PXDN: variants seen among roughly 807,000 people sequenced by gnomAD.
PXDN encodes peroxidasin, also known as peroxidasin homolog.
PXDN carries 77 observed loss-of-function variants against 140.3 expected under a neutral mutation model. The ratio of observed to expected loss-of-function variants is 0.55; its 90% CI spans 0.46 to 0.66. The LOEUF (loss-of-function observed/expected upper bound fraction) is 0.66. PXDN is among the 30% of genes least tolerant of loss of function. PXDN has a pLI of 0.00. For missense variants in PXDN, 1,838 were observed against 2,039.5 expected, an observed-to-expected ratio of 0.90 and a Z score of 1.90; for synonymous variants, 911 against 857.4, an observed-to-expected ratio of 1.06 and a Z score of -1.09.
chr2:1,739,133 C>CTCA (rs76532664), intron 1 of PXDN, among the ~76,000 whole-genome samples: 6,246 of 152,256 alleles, frequency 0.041, 139 homozygotes, highest in Non-Finnish European at 0.052. Flanking sequence ...CTCCTGTCCA[C>CTCA]TCATGGACGT....
rs544934849 is a variant in PXDN at position 1,648,915 on chromosome 2, C to T, written c.2865G>A (p.Pro955=). 7.5e-6 allele frequency: 12 copies of T among 1,599,456 alleles called. No homozygotes were observed. The highest frequency in any genetic ancestry group is 1.3e-5 in the African/African-American group (1 of 74,312). The change falls in exon 17 of 23, where the codon CCG becomes CCA. Residue 955 remains proline (P), a synonymous_variant. Coordinates refer to ENST00000252804, the MANE Select transcript of PXDN (RefSeq NM_012293.3). This position sits in a 1 kb window ranked among gnomAD's most constrained non-coding sequence, Gnocchi z 8.9. ...TCTCGTCCCGCATGCACTCCGTGGG[C>T]GGCCCGGTGGCGAAGGGGAGCAGCG... ...GKPLLPFATG[P]PTECMRDENE...
intron 1 of PXDN, among the ~76,000 whole-genome samples, chr2:1,734,656 C>A (rs1685390382): frequency 6.6e-6 from 1 of 152,164 alleles, no homozygotes; most frequent in Non-Finnish European, 1.5e-5. Flanking sequence ...ATCACGAGGT[C>A]AAGAGACTGA....
intron 1 of PXDN, among the ~76,000 whole-genome samples, chr2:1,713,520 C>A (rs1684829859): frequency 6.6e-6 from 1 of 152,210 alleles, no homozygotes; most frequent in Non-Finnish European, 1.5e-5. Context: ...AGAAGGGGCA[C>A]CTGCCTCTGA....
At chr2:1,742,209 C>A (rs1685562120) in intron 1 of PXDN, among the ~76,000 whole-genome samples, 1 of 152,200 alleles carries the variant, frequency 6.6e-6, no homozygotes, top group Non-Finnish European at 1.5e-5. Flanking sequence ...CTGTTTCCAC[C>A]GCCAGAAAAT....
intron 1 of PXDN, among the ~76,000 whole-genome samples, chr2:1,730,947 A>G (rs540426501): frequency 6.6e-6 from 1 of 152,296 alleles, no homozygotes; most frequent in Admixed American, 6.5e-5. Flanking sequence ...CTGTGAGAAG[A>G]GGAGGGAGAG....
Position 1,685,617 on chromosome 2 carries a change from G to C in PXDN, c.417-1466C>G, listed in dbSNP as rs1684034847. 6.6e-6 allele frequency among the ~76,000 whole-genome samples: 1 copy of C among 152,116 alleles called. No individual in the cohort carries two copies. Among genetic ancestry groups the C allele is most frequent in the Non-Finnish European group, 1.5e-5 (1 of 68,024 alleles). On this transcript the variant is annotated intron_variant, in intron 4 of 22. Coordinates refer to ENST00000252804, the MANE Select transcript of PXDN (RefSeq NM_012293.3). The surrounding 1 kb of genome is among the most constrained non-coding windows in gnomAD (Gnocchi z 5.1). ...AAGGATGAGGAGGTACTGACCGAGG[G>C]AAGGAAAGGGGGTATTTCAAGCCCC...
At chr2:1,640,963 A>C (rs1357063005) in intron 19 of PXDN, among the ~76,000 whole-genome samples, 1 of 152,080 alleles carries the variant, frequency 6.6e-6, no homozygotes, top group East Asian at 1.9e-4. Context: ...CTCACACCCC[A>C]GGGCACGGCT....
intron 18 of PXDN, among the ~76,000 whole-genome samples, chr2:1,644,149 T>TA (rs947893300): frequency 3.3e-5 from 5 of 150,952 alleles, no homozygotes; most frequent in African/African-American, 9.8e-5. Context: ...TGGGCAACTT[T>TA]AAAAAAACAA....
chr2:1,635,841 C>G (rs543920181), intron 21 of PXDN: 1 of 377,064 alleles, frequency 2.7e-6, no homozygotes, highest in Admixed American at 3.8e-5. Flanking sequence ...TCCACCAGAA[C>G]GAACGATGAT....
Position 1,657,408 on chromosome 2 carries a change from A to T in PXDN, c.1838-2900T>A, listed in dbSNP as rs376126548. On this transcript the variant is annotated intron_variant, in intron 14 of 22. Transcript: ENST00000252804. ...TGAGACCTGTCTTCTCCTGAAGGGG[A>T]CCTGCCCTGTCCTAACTGAAACCTG... is the stretch of plus-strand genomic sequence containing the variant. Among the ~76,000 whole-genome samples the T allele has an allele frequency of 3.4e-4, 51 of 150,838 alleles. 1 individual carries two copies. The highest frequency in any genetic ancestry group is 1.2e-3 in the African/African-American group (50 of 40,918).
intron 14 of PXDN, among the ~76,000 whole-genome samples, chr2:1,659,025 C>A (rs895597959): frequency 2.0e-5 from 3 of 152,210 alleles, no homozygotes; most frequent in African/African-American, 7.2e-5. Context: ...GAGTGCCTGG[C>A]ACACCTGGCT....
Position 1,634,220 on chromosome 2 carries a change from G to A in PXDN, c.4424C>T (p.Ala1475Val), listed in dbSNP as rs201881212. ...ACCPVCLQKR[A>V]EEKP Reference sequence around the variant, plus strand: ...CCCAGGAGCCTAGGGCTTTTCCTCCGCCCTCTTCTGTAAGCAGACTGGACA... The same window carrying A: ...CCCAGGAGCCTAGGGCTTTTCCTCCACCCTCTTCTGTAAGCAGACTGGACA... Residue 1475 changes from alanine (A) to valine (V), a missense_variant, in exon 23 of 23, where the codon GCG (alanine) becomes GTG (valine). Transcript: ENST00000252804. 3.1e-5 allele frequency: 50 copies of A among 1,592,592 alleles called. No individual in the cohort carries two copies. In the East Asian group the frequency reaches 3.9e-4, roughly 12 times the overall value.
intron 10 of PXDN, among the ~76,000 whole-genome samples, chr2:1,665,548 C>CA (rs1245870190): frequency 6.6e-6 from 1 of 152,062 alleles, no homozygotes; most frequent in Non-Finnish European, 1.5e-5. Flanking sequence ...GTAACAGCCA[C>CA]AAAAAAAGTA....
chr2:1,686,478 G>A (rs1684060654), intron 4 of PXDN, among the ~76,000 whole-genome samples: 1 of 152,102 alleles, frequency 6.6e-6, no homozygotes, highest in Non-Finnish European at 1.5e-5. Flanking sequence ...CCAGCACAAA[G>A]CCAGATGAGG....
chr2:1,649,491 G>A lies in PXDN; in HGVS notation c.2289C>T (p.Phe763=), dbSNP rs892626373. 9 of 1,613,894 alleles carry A rather than the reference G, an allele frequency of 5.6e-6. No homozygotes were observed. Among genetic ancestry groups the A allele is most frequent in the African/African-American group, 1.3e-5 (1 of 74,932 alleles). ...HPMWGASLTA[F]ERLLKSVYEN... ...CGTACACGGATTTCAGCAGGCGCTC[G>A]AAGGCGGTCAGCGAGGCGCCCCACA... The change falls in exon 17 of 23, where the codon TTC becomes TTT. Residue 763 remains phenylalanine, a synonymous_variant. Coordinates refer to ENST00000252804, the MANE Select transcript of PXDN (RefSeq NM_012293.3). This position sits in a 1 kb window ranked among gnomAD's most constrained non-coding sequence, Gnocchi z 7.1.
chr2:1,703,034 GGGGGCAGCTCCAGGTGAAGGGA>G (rs1684477353), intron 1 of PXDN, among the ~76,000 whole-genome samples: 1 of 55,078 alleles, frequency 1.8e-5, no homozygotes, highest in East Asian at 4.6e-4. Context: ...CAGGTGAAGG[GGGGGCAGCTCCAGGTGAAGGGA>G]GGGCAGCTCC....
chr2:1,649,509 G>A lies in PXDN; in HGVS notation c.2271C>T (p.Gly757=), dbSNP rs374573243. The A allele has an allele frequency of 6.3e-5, 101 of 1,614,020 alleles. 3 individuals carry two copies. In the South Asian group the frequency reaches 6.8e-4, roughly 11 times the overall value. ...TCNNLQHPMW[G]ASLTAFERLL... The stretch of plus-strand genomic sequence containing the variant: ...GGCGCTCGAAGGCGGTCAGCGAGGC[G>A]CCCCACATGGGGTGCTGCAGGTTGT... Residue 757 remains glycine, a synonymous_variant, in exon 17 of 23, where the codon GGC becomes GGT. Coordinates refer to ENST00000252804, the MANE Select transcript of PXDN (RefSeq NM_012293.3). The surrounding 1 kb of genome is among the most constrained non-coding windows in gnomAD (Gnocchi z 7.1).
Position 1,666,353 on chromosome 2 carries a change from T to A in PXDN, c.1152A>T (p.Pro384=). Residue 384 remains proline, a synonymous_variant, in exon 10 of 23, where the codon CCA becomes CCT. Coordinates refer to ENST00000252804, the MANE Select transcript of PXDN (RefSeq NM_012293.3). ...GCGTGATGTTCACCCGCGGGTCAAC[T>A]GGCAAGGGTGTGCGGTCACCTCTCG... is the stretch of plus-strand genomic sequence containing the variant. ...SWTRGDRTPL[P]VDPRVNITPS... 1 of 1,613,638 alleles carries A rather than the reference T, an allele frequency of 6.2e-7. No individual in the cohort carries two copies. Among genetic ancestry groups the A allele is most frequent in the Non-Finnish European group, 8.5e-7 (1 of 1,179,896 alleles).
intron 16 of PXDN, among the ~76,000 whole-genome samples, chr2:1,650,192 A>G (rs560763145): frequency 6.6e-6 from 1 of 152,250 alleles, no homozygotes; most frequent in African/African-American, 2.4e-5. Flanking sequence ...CGTCCAAAAG[A>G]GTGCCACTTC....
Sources: gnomAD v4.1 joint callset for allele counts (sites outside exome capture counted in the v4.1 genomes callset) on GRCh38, gnomAD v4.1.1 for gene constraint, Gnocchi (gnomAD v3.1) non-coding constraint, MANE v1.5 for transcripts, NCBI Gene and HGNC (gene_info 2026-07-23, HGNC 2026-07-21) for gene names.